The following XIRP2 variants were observed in gnomAD, a reference collection of about 807,000 sequenced individuals.
XIRP2 encodes the protein xin actin binding repeat containing 2.
A neutral mutation model predicts 277.0 loss-of-function variants in XIRP2; 236 were observed. The ratio of observed to expected loss-of-function variants is 0.85; its 90% CI spans 0.77 to 0.95. XIRP2 has a LOEUF of 0.95. XIRP2 is among the 40% of genes least tolerant of loss of function. The pLI is 0.00. For synonymous variants in XIRP2, 1,490 were observed against 1,416.5 expected (o/e 1.05, Z -1.17); for missense variants, 4,640 against 4,157.5 (o/e 1.12, Z -3.19).
At position 166,903,492 on chromosome 2, in the gene XIRP2, A is replaced by T; in HGVS notation, c.10A>T (p.Met4Leu). Residue 4 changes from methionine (M) to leucine (L), a missense_variant, in exon 2 of 11, where the codon ATG (methionine) becomes TTG (leucine). Met to Leu is a conservative substitution (Grantham distance 15). Transcript: ENST00000409195. ...CAACCTGGACCCATCCATGTTCCCAATGCAGAAGGGCTCCCTCAACCTCCT... is the reference window on the plus strand; with the variant it reads ...CAACCTGGACCCATCCATGTTCCCATTGCAGAAGGGCTCCCTCAACCTCCT... MFP[M>L]QKGSLNLLRQ... 6.2e-7 allele frequency: 1 copy of T among 1,612,420 alleles called. No individual in the cohort carries two copies. Among genetic ancestry groups the T allele is most frequent in the Non-Finnish European group, 8.5e-7 (1 of 1,179,000 alleles).
chr2:167,012,257 T>G (rs945433399), intron 2 of XIRP2, among the ~76,000 whole-genome samples: 1 of 151,906 alleles, frequency 6.6e-6, no homozygotes, highest in Non-Finnish European at 1.5e-5. Context: ...TCTGGTATGT[T>G]GTGTCTTTGT....
chr2:167,235,592 G>A (rs985528456), intron 5 of XIRP2, among the ~76,000 whole-genome samples: 1 of 151,868 alleles, frequency 6.6e-6, no homozygotes, highest in South Asian at 2.1e-4. Flanking sequence ...AGCAAATGAT[G>A]ACTATGAAAT....
chr2:166,924,507 C>T (rs1365177488), intron 2 of XIRP2, among the ~76,000 whole-genome samples: 3 of 151,740 alleles, frequency 2.0e-5, no homozygotes, highest in African/African-American at 7.3e-5. Flanking sequence ...TTCTTTATAA[C>T]TTATGACAAA....
intron 5 of XIRP2, among the ~76,000 whole-genome samples, chr2:167,229,946 T>C (rs1694705327): frequency 6.6e-6 from 1 of 152,090 alleles, no homozygotes; most frequent in Admixed American, 6.6e-5. Flanking sequence ...CCTGGGTATC[T>C]ACTTAGGCAT....
At chr2:166,928,996 A>G (rs1209297571) in intron 2 of XIRP2, among the ~76,000 whole-genome samples, 1 of 152,100 alleles carries the variant, frequency 6.6e-6, no homozygotes, top group Non-Finnish European at 1.5e-5. Flanking sequence ...CTCACTTCTC[A>G]AACACTGGAG....
chr2:167,016,664 C>T (rs181692569), intron 2 of XIRP2, among the ~76,000 whole-genome samples: 1 of 151,832 alleles, frequency 6.6e-6, no homozygotes, highest in Non-Finnish European at 1.5e-5. Context: ...CGAAAAGATA[C>T]TTATTGGAGG....
intron 2 of XIRP2, among the ~76,000 whole-genome samples, chr2:166,952,153 C>A (rs539796809): frequency 6.6e-6 from 1 of 152,088 alleles, no homozygotes; most frequent in African/African-American, 2.4e-5. Flanking sequence ...AATTTTATGG[C>A]TTCATATAAT....
At chr2:167,052,147 A>G (rs1371611776) in intron 2 of XIRP2, among the ~76,000 whole-genome samples, 1 of 152,096 alleles carries the variant, frequency 6.6e-6, no homozygotes, top group African/African-American at 2.4e-5. Context: ...AAATTACAGT[A>G]CAATGTAAGT....
chr2:166,963,461 TAATG>T (rs1193258814), intron 2 of XIRP2, among the ~76,000 whole-genome samples: 2 of 151,842 alleles, frequency 1.3e-5, no homozygotes, highest in African/African-American at 2.4e-5. Flanking sequence ...CAACAAGTGT[TAATG>T]AAGGCAATAA....
chr2:167,244,872 G>A lies in XIRP2; in HGVS notation c.3480G>A (p.Gly1160=). 6.2e-7 allele frequency: 1 copy of A among 1,613,706 alleles called. No individual in the cohort carries two copies. The highest frequency in any genetic ancestry group is 8.5e-7 in the Non-Finnish European group (1 of 1,179,780). ...QTVKQEEIQG[G]DVRTACFLFE... ...TAAAACAGGAGGAGATCCAAGGTGG[G>A]GATGTTCGTACAGCATGTTTTCTTT... is the stretch of plus-strand genomic sequence containing the variant. Residue 1160 remains glycine, a synonymous_variant, in exon 9 of 11, where the codon GGG becomes GGA. Transcript: ENST00000409195.
At chr2:166,937,567 G>A (rs1275170838) in intron 2 of XIRP2, among the ~76,000 whole-genome samples, 1 of 151,916 alleles carries the variant, frequency 6.6e-6, no homozygotes, top group Non-Finnish European at 1.5e-5. Flanking sequence ...TTTTTTTGTT[G>A]TGTCTCTGTC....
chr2:167,025,549 G>T (rs1688128287), intron 2 of XIRP2, among the ~76,000 whole-genome samples: 1 of 151,156 alleles, frequency 6.6e-6, no homozygotes, highest in South Asian at 2.1e-4. Context: ...GTGATGTTAG[G>T]GTGTCAATTT....
chr2:167,022,853 A>G (rs1158345905), intron 2 of XIRP2, among the ~76,000 whole-genome samples: 3 of 152,104 alleles, frequency 2.0e-5, no homozygotes, highest in Non-Finnish European at 4.4e-5. Flanking sequence ...ACAGTCCATC[A>G]TTGTTGGACA....
At chr2:167,051,604 T>C (rs1466499577) in intron 2 of XIRP2, among the ~76,000 whole-genome samples, 1 of 152,102 alleles carries the variant, frequency 6.6e-6, no homozygotes, top group Non-Finnish European at 1.5e-5. Context: ...TCATTCATTT[T>C]GAAAGGAAAC....
chr2:167,119,339 G>A (rs1165631658), intron 2 of XIRP2, among the ~76,000 whole-genome samples: 1 of 152,106 alleles, frequency 6.6e-6, no homozygotes, highest in East Asian at 1.9e-4. Flanking sequence ...ATTTTTTAAA[G>A]GATACAGTAT....
At chr2:167,010,172 A>T (rs1439622437) in intron 2 of XIRP2, among the ~76,000 whole-genome samples, 1 of 152,156 alleles carries the variant, frequency 6.6e-6, no homozygotes, top group African/African-American at 2.4e-5. Flanking sequence ...ATATTAGCCT[A>T]GGTTTTCTTC....
intron 5 of XIRP2, among the ~76,000 whole-genome samples, chr2:167,220,173 C>CT (rs1236096059): frequency 7.9e-5 from 12 of 151,562 alleles, no homozygotes; most frequent in South Asian, 2.1e-4. Flanking sequence ...TCCTTCCTTT[C>CT]TTTTTTTTTC....
At chr2:167,091,208 A>G (rs935670856) in intron 2 of XIRP2, among the ~76,000 whole-genome samples, 4 of 151,858 alleles carry the variant, frequency 2.6e-5, no homozygotes, top group African/African-American at 9.7e-5. Context: ...TCTTGGCTTC[A>G]TAGGATGTTT....
chr2:166,895,014 C>T (rs976785194), intron 1 of XIRP2, among the ~76,000 whole-genome samples: 2 of 152,014 alleles, frequency 1.3e-5, no homozygotes, highest in African/African-American at 4.8e-5. Flanking sequence ...GAGGGACAGC[C>T]TTTGCAAAGG....
Sources: gnomAD v4.1 joint callset for allele counts (sites outside exome capture counted in the v4.1 genomes callset) on GRCh38, gnomAD v4.1.1 for gene constraint, MANE v1.5 for transcripts, NCBI Gene and HGNC (gene_info 2026-07-23, HGNC 2026-07-21) for gene names.